The following MORC1 variants were observed in gnomAD, a reference collection of about 807,000 sequenced individuals.
MORC1 encodes the protein MORC family CW-type zinc finger protein 1.
MORC1 carries 59 observed loss-of-function variants against 134.9 expected under a neutral mutation model. That is an observed-to-expected ratio of 0.44 (90% confidence interval 0.35 to 0.54). MORC1 has a LOEUF of 0.54. Among genes scored for constraint, MORC1 ranks in the 20% least tolerant of loss-of-function variants. MORC1 has a pLI of 0.00. For missense variants in MORC1, 947 were observed against 1,134.5 expected (o/e 0.83, Z 2.37); for synonymous variants, 395 against 391.7 (o/e 1.01, Z -0.10).
chr3:109,005,951 T>A (rs1948529652), intron 18 of MORC1, among the ~76,000 whole-genome samples: 1 of 152,216 alleles, frequency 6.6e-6, no homozygotes, highest in Non-Finnish European at 1.5e-5. Flanking sequence ...TTCCTTCACA[T>A]AAACCACCAA....
At chr3:109,050,803 G>GTGGCC (rs1476034374) in intron 14 of MORC1, among the ~76,000 whole-genome samples, 3 of 152,124 alleles carry the variant, frequency 2.0e-5, no homozygotes, top group Non-Finnish European at 4.4e-5. Context: ...CCTTTCACGG[G>GTGGCC]TGGCCTGCAT....
chr3:109,016,732 C>T lies in MORC1; in HGVS notation c.1705-9641G>A, dbSNP rs562639712. The stretch of plus-strand genomic sequence containing the variant: ...TACAAAAATTAACCAGGCATGGTGG[C>T]GGGCGCCTGTAATCCCAGCTACTGG... On this transcript the variant is annotated intron_variant, in intron 17 of 27. Coordinates refer to ENST00000232603, the MANE Select transcript of MORC1 (RefSeq NM_014429.4). Among the ~76,000 whole-genome samples the T allele has an allele frequency of 1.3e-4, 20 of 152,214 alleles. 1 individual carries two copies. The South Asian group carries it at 3.5e-3, about 27-fold the overall frequency.
intron 8 of MORC1, among the ~76,000 whole-genome samples, chr3:109,088,013 G>A (rs1332459251): frequency 6.6e-6 from 1 of 152,066 alleles, no homozygotes; most frequent in Non-Finnish European, 1.5e-5. Flanking sequence ...TGGGATAACT[G>A]GCTAGCCATA....
chr3:108,988,782 C>T (rs1947965892), intron 21 of MORC1, among the ~76,000 whole-genome samples: 1 of 152,106 alleles, frequency 6.6e-6, no homozygotes, highest in South Asian at 2.1e-4. Context: ...TGACAGCACT[C>T]CCAGAAGAGA....
chr3:109,028,237 C>A (rs1949136597), intron 16 of MORC1, among the ~76,000 whole-genome samples: 1 of 151,488 alleles, frequency 6.6e-6, no homozygotes, highest in South Asian at 2.1e-4. Flanking sequence ...TGCCATTTCC[C>A]CCCCCAAAAA....
intron 17 of MORC1, among the ~76,000 whole-genome samples, chr3:109,025,872 T>C (rs1206958588): frequency 2.6e-5 from 4 of 152,246 alleles, no homozygotes; most frequent in Non-Finnish European, 5.9e-5. Flanking sequence ...GTTTTACTTA[T>C]TGATTCAACT....
chr3:109,012,396 TC>T, intron 17 of MORC1, among the ~76,000 whole-genome samples: 1 of 152,334 alleles, frequency 6.6e-6, no homozygotes, highest in East Asian at 1.9e-4. Context: ...CCATCTTTGT[TC>T]TTTTTTAAGG....
intron 13 of MORC1, among the ~76,000 whole-genome samples, chr3:109,056,538 T>C (rs910175102): frequency 2.0e-5 from 3 of 152,156 alleles, no homozygotes; most frequent in African/African-American, 7.2e-5. Flanking sequence ...TAATCTAGGT[T>C]TTATAAGATC....
At chr3:108,997,202 G>A (rs950110029) in intron 21 of MORC1, among the ~76,000 whole-genome samples, 1 of 151,944 alleles carries the variant, frequency 6.6e-6, no homozygotes, top group Non-Finnish European at 1.5e-5. Context: ...TTGTCCCACT[G>A]GGAAAAGAGG....
intron 2 of MORC1, among the ~76,000 whole-genome samples, chr3:109,112,027 T>C (rs1426367704): frequency 6.6e-6 from 1 of 152,230 alleles, no homozygotes; most frequent in Non-Finnish European, 1.5e-5. Context: ...TAGGTATCAA[T>C]ATCTCCATTA....
intron 8 of MORC1, among the ~76,000 whole-genome samples, chr3:109,085,514 A>C (rs915249273): frequency 6.6e-6 from 1 of 152,174 alleles, no homozygotes; most frequent in Non-Finnish European, 1.5e-5. Flanking sequence ...AAAAATGCTC[A>C]ACATCACTAA....
intron 21 of MORC1, among the ~76,000 whole-genome samples, chr3:108,987,579 C>T (rs1248259326): frequency 6.6e-6 from 1 of 151,898 alleles, no homozygotes; most frequent in Non-Finnish European, 1.5e-5. Flanking sequence ...TTACTGGCAC[C>T]TGGAGAGAGA....
In MORC1 at chr3:108,963,407, C is replaced by A. The variant is rs765436530; in HGVS notation, c.2799+7G>T. 33 of 1,605,640 alleles carry A rather than the reference C, an allele frequency of 2.1e-5. No homozygotes were observed. Among genetic ancestry groups the A allele is most frequent in the Non-Finnish European group, 2.8e-5 (33 of 1,177,204 alleles). On this transcript the variant is annotated splice_region_variant and intron_variant, in intron 27 of 27. Transcript: ENST00000232603. ...TCCTACTGCTCAAATACAACTTTTT[C>A]ACTCACCAGTTGGAGTTTCTGCAAC...
rs1251383501 is a variant in MORC1, at chr3:109,069,724, T to A, written c.723A>T (p.Thr241=). 6.8e-6 allele frequency: 11 copies of A among 1,611,944 alleles called. No homozygotes were observed. Among genetic ancestry groups the A allele is most frequent in the Non-Finnish European group, 9.3e-6 (11 of 1,178,554 alleles). Residue 241 remains threonine, a synonymous_variant, in exon 9 of 28, where the codon ACA becomes ACT. Coordinates refer to ENST00000232603, the MANE Select transcript of MORC1 (RefSeq NM_014429.4). ...TCCATGGGTTAAAATACAGAACAGA[T>A]GTGTAGGCTCTGAATGACCACCTCG... ...FPARWSFRAY[T]SVLYFNPWMR...
intron 14 of MORC1, among the ~76,000 whole-genome samples, chr3:109,038,181 C>A (rs1949423907): frequency 6.6e-6 from 1 of 152,152 alleles, no homozygotes; most frequent in Non-Finnish European, 1.5e-5. Flanking sequence ...ATTTGCATTT[C>A]TCTGATGAGC....
At chr3:109,104,105 C>A (rs1950978585) in intron 3 of MORC1, among the ~76,000 whole-genome samples, 188 bp from the exon 4 acceptor site, 1 of 152,164 alleles carries the variant, frequency 6.6e-6, no homozygotes, top group South Asian at 2.1e-4. Flanking sequence ...GAAAAATAAT[C>A]ATGCAACATA....
intron 8 of MORC1, among the ~76,000 whole-genome samples, chr3:109,083,312 G>GGAA (rs1553761110): frequency 6.8e-6 from 1 of 146,964 alleles, no homozygotes; most frequent in African/African-American, 2.5e-5. Flanking sequence ...CTAAGGTAAA[G>GGAA]AAAAAAAAAA....
intron 26 of MORC1, 47 bp downstream of exon 26, chr3:108,969,622 C>A (rs1348306597): frequency 2.6e-6 from 4 of 1,531,880 alleles, no homozygotes; most frequent in Non-Finnish European, 2.7e-6. Flanking sequence ...TCCTTTCGAA[C>A]ACAGGATCAT....
chr3:108,983,929 C>A (rs1438712844), intron 23 of MORC1, among the ~76,000 whole-genome samples: 1 of 152,006 alleles, frequency 6.6e-6, no homozygotes, highest in Non-Finnish European at 1.5e-5. Context: ...AAAGTGGGGG[C>A]TAAAAGTAGA....
Sources: gnomAD v4.1 joint callset for allele counts (sites outside exome capture counted in the v4.1 genomes callset) on GRCh38, gnomAD v4.1.1 for gene constraint, MANE v1.5 for transcripts, NCBI Gene and HGNC (gene_info 2026-07-23, HGNC 2026-07-21) for gene names.